The following SYT16 variants were observed in gnomAD, a reference collection of about 807,000 sequenced individuals.
SYT16 encodes the protein synaptotagmin 16.
In SYT16, 42 loss-of-function variants were observed where a neutral mutation model predicts 61.4. That is an observed-to-expected ratio of 0.68 (90% CI 0.53 to 0.89). SYT16 has a LOEUF of 0.89. Among genes scored for constraint, SYT16 ranks in the 40% least tolerant of loss-of-function variants. SYT16 has a pLI of 0.00. For synonymous variants in SYT16, 314 were observed against 302.3 expected, an observed-to-expected ratio of 1.04 and a Z score of -0.40; for missense variants, 804 against 807.3, an observed-to-expected ratio of 1.00 and a Z score of 0.05.
intron 1 of SYT16, among the ~76,000 whole-genome samples, chr14:61,961,928 A>G (rs1430030613): frequency 6.6e-6 from 1 of 152,210 alleles, no homozygotes; most frequent in Non-Finnish European, 1.5e-5. Flanking sequence ...GTGGAATACT[A>G]CATAGCCATA....
intron 3 of SYT16, among the ~76,000 whole-genome samples, chr14:62,021,616 T>G (rs1461042058): frequency 2.0e-5 from 3 of 152,096 alleles, no homozygotes; most frequent in African/African-American, 7.2e-5. Flanking sequence ...GACAAGAATC[T>G]GTGTAGATTT....
intron 4 of SYT16, among the ~76,000 whole-genome samples, chr14:62,074,322 G>A (rs928118518): frequency 5.9e-5 from 9 of 152,228 alleles, no homozygotes; most frequent in African/African-American, 2.2e-4. Context: ...AGGGAGGACA[G>A]GACACAGGGA....
chr14:61,825,746 C>T (rs1421377198), intron 1 of SYT16, among the ~76,000 whole-genome samples: 3 of 152,122 alleles, frequency 2.0e-5, no homozygotes, highest in Non-Finnish European at 2.9e-5. Flanking sequence ...GGTCACAAAA[C>T]TTCTAAATAA....
At chr14:61,875,828 C>G (rs983236006) in intron 1 of SYT16, among the ~76,000 whole-genome samples, 2 of 152,220 alleles carry the variant, frequency 1.3e-5, no homozygotes, top group African/African-American at 4.8e-5. Flanking sequence ...ACTGGGTGAT[C>G]TCTGTACACT....
At position 61,996,143 on chromosome 14, in the gene SYT16, A is replaced by G. The variant is rs1566748101; in HGVS notation, c.124A>G (p.Ile42Val). 3 of 1,613,432 alleles carry G rather than the reference A, an allele frequency of 1.9e-6. No homozygotes were observed. Among genetic ancestry groups the G allele is most frequent in the Non-Finnish European group, 2.5e-6 (3 of 1,179,550 alleles). ...TATGTTATCTGCTTCGCTGGTTAACATAAGCAAACAAGACTCTAAATTGAG... is the reference window on the plus strand; with the variant it reads ...TATGTTATCTGCTTCGCTGGTTAACGTAAGCAAACAAGACTCTAAATTGAG... ...GDMLSASLVN[I>V]SKQDSKLSDK... Residue 42 changes from isoleucine (I) to valine (V), a missense_variant, in exon 3 of 8, where the codon ATA (isoleucine) becomes GTA (valine). Physicochemically the swap from Ile to Val is conservative, Grantham distance 29 (BLOSUM62 3). Transcript: ENST00000683842.
intron 1 of SYT16, among the ~76,000 whole-genome samples, chr14:61,896,720 A>T (rs2048337897): frequency 6.6e-6 from 1 of 152,244 alleles, no homozygotes; most frequent in Non-Finnish European, 1.5e-5. Flanking sequence ...TAAAAAATGA[A>T]TATATAATAG....
chr14:61,894,308 G>T (rs2048250027), intron 1 of SYT16, among the ~76,000 whole-genome samples: 2 of 146,392 alleles, frequency 1.4e-5, no homozygotes, highest in South Asian at 2.2e-4. Flanking sequence ...AAAAAAAAAA[G>T]CCTGTTCATT....
rs551230646 is a variant in SYT16 at position 61,973,075 on chromosome 14, TTTTAA to T, written c.-145+2771_-145+2775del. 5.3e-4 allele frequency among the ~76,000 whole-genome samples: 81 copies of T among 152,318 alleles called. 1 individual carries two copies. Among genetic ancestry groups the T allele is most frequent in the African/African-American group, 1.9e-3 (77 of 41,576 alleles). ...TGATAGAATATCAGAAACTGAATTATTTTAATTTAATATATGTGAGGTTCTGAAGA... is the reference window on the plus strand; with the variant it reads ...TGATAGAATATCAGAAACTGAATTATTTTAATATATGTGAGGTTCTGAAGA... On this transcript the variant is annotated intron_variant, in intron 2 of 7. Transcript: ENST00000683842.
chr14:61,959,522 T>A (rs1035797771), intron 1 of SYT16, among the ~76,000 whole-genome samples: 1 of 152,194 alleles, frequency 6.6e-6, no homozygotes, highest in African/African-American at 2.4e-5. Context: ...CTGCACTTTA[T>A]GTCTTCCCCC....
chr14:62,056,435 TAA>T (rs1311487728), intron 3 of SYT16, among the ~76,000 whole-genome samples: 5 of 152,180 alleles, frequency 3.3e-5, no homozygotes, highest in Non-Finnish European at 5.9e-5. Flanking sequence ...TTGTTGGTTA[TAA>T]AAGACAGCAA....
At chr14:61,950,747 T>C (rs1388706509) in intron 1 of SYT16, among the ~76,000 whole-genome samples, 2 of 152,198 alleles carry the variant, frequency 1.3e-5, no homozygotes, top group Non-Finnish European at 2.9e-5. Flanking sequence ...ACTCCAAGGA[T>C]ATAATGAAAT....
intron 1 of SYT16, among the ~76,000 whole-genome samples, chr14:61,906,417 C>T (rs977011358): frequency 5.9e-5 from 9 of 152,104 alleles, no homozygotes; most frequent in African/African-American, 1.4e-4. Flanking sequence ...TGAGTAAACA[C>T]GAATATTCTT....
At chr14:61,936,329 A>T (rs535937813) in intron 1 of SYT16, among the ~76,000 whole-genome samples, 41 of 152,186 alleles carry the variant, frequency 2.7e-4, no homozygotes, top group African/African-American at 9.4e-4. Flanking sequence ...CAAAGAAAAA[A>T]GTACTGATAA....
chr14:62,093,102 C>T (rs2057147023), intron 7 of SYT16, among the ~76,000 whole-genome samples: 1 of 151,912 alleles, frequency 6.6e-6, no homozygotes, highest in Non-Finnish European at 1.5e-5. Context: ...ACCTTCTGCT[C>T]AATTTTGTTA....
At chr14:62,063,657 C>T (rs1197633902) in intron 3 of SYT16, among the ~76,000 whole-genome samples, 1 of 152,126 alleles carries the variant, frequency 6.6e-6, no homozygotes, top group Non-Finnish European at 1.5e-5. Context: ...ACCATCCCGT[C>T]TCTTTGGAAG....
chr14:61,929,497 G>C (rs2049676486), intron 1 of SYT16, among the ~76,000 whole-genome samples: 1 of 152,162 alleles, frequency 6.6e-6, no homozygotes. Context: ...GCCTCTTTCT[G>C]GATTTTAAAT....
intron 2 of SYT16, among the ~76,000 whole-genome samples, chr14:61,977,271 G>T (rs1250629452): frequency 6.6e-6 from 1 of 152,088 alleles, no homozygotes; most frequent in East Asian, 1.9e-4. Context: ...ACATTTTCAA[G>T]TATCTTTATA....
chr14:61,903,849 T>A (rs1300076601), intron 1 of SYT16, among the ~76,000 whole-genome samples: 1 of 152,240 alleles, frequency 6.6e-6, no homozygotes, highest in Non-Finnish European at 1.5e-5. Context: ...GGCAGGAGCT[T>A]GGTATAAAGG....
At chr14:61,924,304 C>A (rs1323088800) in intron 1 of SYT16, among the ~76,000 whole-genome samples, 1 of 152,124 alleles carries the variant, frequency 6.6e-6, no homozygotes, top group Admixed American at 6.6e-5. Context: ...GTATATGAGA[C>A]CTTGGAGCCA....
Sources: gnomAD v4.1 joint callset for allele counts (sites outside exome capture counted in the v4.1 genomes callset) on GRCh38, gnomAD v4.1.1 for gene constraint, MANE v1.5 for transcripts, NCBI Gene and HGNC (gene_info 2026-07-23, HGNC 2026-07-21) for gene names.